Variants in ITGA11 observed in about 807,000 individuals in gnomAD.
The protein encoded by ITGA11 is integrin subunit alpha 11.
A neutral mutation model predicts 141.9 loss-of-function variants in ITGA11; 97 were observed. That is an observed-to-expected ratio of 0.68 (90% CI 0.58 to 0.81). ITGA11 has a LOEUF of 0.81. ITGA11 is among the 30% of genes least tolerant of loss of function. The pLI is 0.00. For missense variants in ITGA11, 1,387 were observed against 1,559.2 expected (o/e 0.89, Z 1.86); for synonymous variants, 658 against 624.6 (o/e 1.05, Z -0.80).
rs1894202694 is a variant in ITGA11, at chr15:68,332,376, G to A, written c.1528C>T (p.Arg510Cys). The A allele has an allele frequency of 1.2e-6, 2 of 1,609,394 alleles. No individual in the cohort carries two copies. The highest frequency in any genetic ancestry group is 2.2e-5 in the East Asian group (1 of 44,740). ...TAGACGTACACCTTGCCTCGCTCAC[G>A]GCCCTCGTTGAAGTACATGGGTGCG... is the stretch of plus-strand genomic sequence containing the variant. ...VGAPMYFNEGRERGKVYVYEL... is the reference protein window; with the variant it reads ...VGAPMYFNEGCERGKVYVYEL... The change falls in exon 13 of 30, where the codon CGT becomes TGT. Residue 510 changes from arginine to cysteine, a missense_variant. Coordinates refer to ENST00000315757, the MANE Select transcript of ITGA11 (RefSeq NM_001004439.2).
intron 2 of ITGA11, among the ~76,000 whole-genome samples, chr15:68,391,524 C>T (rs1294215131): frequency 6.6e-6 from 1 of 152,168 alleles, no homozygotes; most frequent in East Asian, 1.9e-4. Flanking sequence ...GTGTTGGCTG[C>T]TCTTGGGCTG....
chr15:68,337,942 G>A (rs1894421785), intron 11 of ITGA11, among the ~76,000 whole-genome samples: 1 of 152,098 alleles, frequency 6.6e-6, no homozygotes, highest in Non-Finnish European at 1.5e-5. Flanking sequence ...CTGCGGTGGA[G>A]ACCTGGTGTA....
Position 68,393,471 on chromosome 15 carries a change from C to G in ITGA11, c.164+9447G>C, listed in dbSNP as rs530389931. 7.9e-5 allele frequency among the ~76,000 whole-genome samples: 12 copies of G among 152,038 alleles called. No homozygotes were observed. In the East Asian group the frequency reaches 2.3e-3, roughly 29 times the overall value. Reference sequence around the variant, plus strand: ...CATTAAAGGCAAATAAGAAAGCAACCACAAGAAAATGACATATTACATTCA... The same window carrying G: ...CATTAAAGGCAAATAAGAAAGCAACGACAAGAAAATGACATATTACATTCA... On this transcript the variant is annotated intron_variant, in intron 2 of 29. Transcript: ENST00000315757.
intron 1 of ITGA11, among the ~76,000 whole-genome samples, chr15:68,414,421 C>T (rs966957549): frequency 2.6e-5 from 4 of 152,204 alleles, no homozygotes; most frequent in African/African-American, 7.2e-5. Context: ...GGGAGTATAA[C>T]AGCCCCTCCT....
At chr15:68,417,500 T>C (rs145857538) in intron 1 of ITGA11, among the ~76,000 whole-genome samples, 17 of 152,310 alleles carry the variant, frequency 1.1e-4, no homozygotes, top group Non-Finnish European at 2.1e-4. Context: ...CTCATTCCAA[T>C]TTTGCTCAGC....
intron 2 of ITGA11, among the ~76,000 whole-genome samples, chr15:68,397,668 A>AATATTTAAAATATT (rs74202777): frequency 4.6e-4 from 40 of 87,812 alleles, no homozygotes; most frequent in African/African-American, 7.7e-4. Context: ...TATATTATAA[A>AATATTTAAAATATT]ATATTTAAAA....
chr15:68,341,630 C>T (rs915974522), intron 10 of ITGA11, among the ~76,000 whole-genome samples: 10 of 152,160 alleles, frequency 6.6e-5, no homozygotes, highest in Non-Finnish European at 1.0e-4. Context: ...GAGGGAGGGG[C>T]GCAGTATTTG....
chr15:68,332,289 C>T (rs1444134341), intron 13 of ITGA11, 49 bp downstream of exon 13: 1 of 1,562,122 alleles, frequency 6.4e-7, no homozygotes, highest in Non-Finnish European at 8.7e-7. Context: ...CAAGTCAAAG[C>T]AGAGGTTGGG....
Position 68,307,742 on chromosome 15 carries a change from A to C in ITGA11, c.3175-46T>G. 1.5e-6 allele frequency: 2 copies of C among 1,322,294 alleles called. No individual in the cohort carries two copies. The highest frequency in any genetic ancestry group is 2.4e-5 in the South Asian group (2 of 82,578). The allele number at this position is 1,322,294 out of a possible 1,614,324, so 81.9% of individuals were successfully genotyped here. A position where few individuals can be genotyped will look rare whatever the true frequency, so the allele number is the denominator to read the frequency against. On this transcript the variant is annotated intron_variant, in intron 26 of 29. Coordinates refer to ENST00000315757, the MANE Select transcript of ITGA11 (RefSeq NM_001004439.2). The surrounding 1 kb of genome is among the most constrained non-coding windows in gnomAD (Gnocchi z 6.1). ...CAGGGCTGAGCTGCTGGGCTAGGGG[A>C]GCAGGGGGCAGCAACACTGCTTGAA...
intron 26 of ITGA11, among the ~76,000 whole-genome samples, chr15:68,309,747 C>T (rs1208622707): frequency 6.6e-6 from 1 of 152,014 alleles, no homozygotes; most frequent in Non-Finnish European, 1.5e-5. Flanking sequence ...CCCACCACCA[C>T]ACCCGGCTGA....
chr15:68,383,381 G>T (rs1279237193), intron 2 of ITGA11, among the ~76,000 whole-genome samples: 2 of 152,206 alleles, frequency 1.3e-5, no homozygotes, highest in East Asian at 1.9e-4. Context: ...GAAAACAAGG[G>T]TTAGATAGTG....
At position 68,350,752 on chromosome 15, in the gene ITGA11, T is replaced by A; in HGVS notation, c.925A>T (p.Asn309Tyr). The change falls in exon 9 of 30, where the codon AAT (asparagine) becomes TAT (tyrosine). Residue 309 changes from asparagine (N) to tyrosine (Y), a missense_variant. By Grantham distance (143) the Asn-to-Tyr change is moderately radical. Coordinates refer to ENST00000315757, the MANE Select transcript of ITGA11 (RefSeq NM_001004439.2). ...ATTTCATTTAGAAAAGTTTCTGGAT[T>A]GATCCCCCTGCGGTTGTAGTAGCCC... ...VLGYYNRRGI[N>Y]PETFLNEIKY... 6.2e-7 allele frequency: 1 copy of A among 1,613,778 alleles called. No homozygotes were observed.
chr15:68,422,707 C>A (rs1897048045), intron 1 of ITGA11, among the ~76,000 whole-genome samples: 1 of 152,168 alleles, frequency 6.6e-6, no homozygotes, highest in Non-Finnish European at 1.5e-5. Context: ...TTCCTCACAG[C>A]ACACACTCCG....
rs1357037350 is a variant in ITGA11, at chr15:68,400,683, ATAT to A, written c.164+2232_164+2234del. On this transcript the variant is annotated intron_variant, in intron 2 of 29. Coordinates refer to ENST00000315757, the MANE Select transcript of ITGA11 (RefSeq NM_001004439.2). ...AAATATATTATATATTATATAATAA[ATAT>A]TATATTATATATTATATAATAAATA... 1.3e-3 allele frequency among the ~76,000 whole-genome samples: 64 copies of A among 48,776 alleles called. 4 individuals carry two copies. The highest frequency in any genetic ancestry group is 6.5e-3 in the African/African-American group (58 of 8,878). 32.0% of individuals were successfully genotyped at this position (48,776 alleles called of 152,430 possible).
Position 68,311,010 on chromosome 15 carries a change from C to A in ITGA11, c.3158G>T (p.Arg1053Leu), listed in dbSNP as rs370182803. 1.1e-5 allele frequency: 18 copies of A among 1,604,210 alleles called. No individual in the cohort carries two copies. Among genetic ancestry groups the A allele is most frequent in the Non-Finnish European group, 1.4e-5 (16 of 1,175,294 alleles). Reference sequence around the variant, plus strand: ...GACACTCACCAGCTGTGGAGCACGACGCAAGTCTTCCTCCACTGGGGTGGG... The same window carrying A: ...GACACTCACCAGCTGTGGAGCACGAAGCAAGTCTTCCTCCACTGGGGTGGG... ...YRPTPVEEDL[R>L]RAPQLNHSNS... The change falls in exon 26 of 30, where the codon CGT becomes CTT. Residue 1053 changes from arginine (R) to leucine (L), a missense_variant. Transcript: ENST00000315757.
At chr15:68,372,690 C>T (rs1320703560) in intron 2 of ITGA11, among the ~76,000 whole-genome samples, 1 of 152,194 alleles carries the variant, frequency 6.6e-6, no homozygotes, top group Non-Finnish European at 1.5e-5. Flanking sequence ...GGACATGGCA[C>T]TCTGGAAGCC....
Position 68,332,010 on chromosome 15 carries a change from G to C in ITGA11, c.1619C>G (p.Ala540Gly), listed in dbSNP as rs377316932. Reference protein sequence around the residue: ...TLKDSHSYQNARFGSSIASVR... With the variant: ...TLKDSHSYQNGRFGSSIASVR... ...TGAGGCAATGGAGGACCCAAATCGG[G>C]CATTCTGGTAACTGTGTGAATCCTT... The change falls in exon 14 of 30, where the codon GCC becomes GGC. Residue 540 changes from alanine to glycine, a missense_variant. Coordinates refer to ENST00000315757, the MANE Select transcript of ITGA11 (RefSeq NM_001004439.2). 7 of 1,611,352 alleles carry C rather than the reference G, an allele frequency of 4.3e-6. No individual in the cohort carries two copies. The African/African-American group carries it at 9.3e-5, about 21-fold the overall frequency.
At position 68,328,329 on chromosome 15, in the gene ITGA11, G is replaced by GA; in HGVS notation, c.1902-68dup. Reference sequence around the variant, plus strand: ...CAGGCTGCCCTGCTGTGACCATGGGGAAAGACAAGAACCAGATGCGAGTGG... The same window carrying GA: ...CAGGCTGCCCTGCTGTGACCATGGGGAAAAGACAAGAACCAGATGCGAGTGG... On this transcript the variant is annotated intron_variant, in intron 15 of 29. Coordinates refer to ENST00000315757, the MANE Select transcript of ITGA11 (RefSeq NM_001004439.2). This position sits in a 1 kb window ranked among gnomAD's most constrained non-coding sequence, Gnocchi z 4.8. 1 of 1,443,318 alleles carries GA rather than the reference G, an allele frequency of 6.9e-7. No homozygotes were observed. Among genetic ancestry groups the GA allele is most frequent in the Admixed American group, 1.9e-5 (1 of 52,160 alleles). The allele number at this position is 1,443,318 out of a possible 1,614,324, so 89.4% of individuals were successfully genotyped here.
intron 7 of ITGA11, among the ~76,000 whole-genome samples, chr15:68,353,964 T>TTC (rs1175385179): frequency 3.9e-5 from 6 of 152,132 alleles, no homozygotes; most frequent in Non-Finnish European, 8.8e-5. Context: ...CACCAAGCCT[T>TTC]TCTCTGAGCT....
Sources: allele counts gnomAD v4.1 joint callset (sites outside exome capture counted in the v4.1 genomes callset), GRCh38; gene constraint gnomAD v4.1.1; non-coding constraint Gnocchi (gnomAD v3.1); transcripts MANE v1.5; gene names NCBI Gene and HGNC (gene_info 2026-07-23, HGNC 2026-07-21).